MCC: variants seen among roughly 807,000 people sequenced by gnomAD.
MCC encodes the protein colorectal mutant cancer protein.
A neutral mutation model predicts 116.2 loss-of-function variants in MCC; 90 were observed. That is an observed-to-expected ratio of 0.77 (90% CI 0.65 to 0.92). The LOEUF is 0.92. Among genes scored for constraint, MCC ranks in the 40% least tolerant of loss-of-function variants. MCC has a pLI of 0.00. For synonymous variants in MCC, 578 were observed against 510.5 expected (o/e 1.13, Z -1.78); for missense variants, 1,516 against 1,312.2 (o/e 1.16, Z -2.40).
At chr5:113,143,196 A>G (rs766164867) in intron 5 of MCC, 22 bp downstream of exon 5, 3 of 1,577,858 alleles carry the variant, frequency 1.9e-6, no homozygotes, top group Non-Finnish European at 2.6e-6. Flanking sequence ...GGGCAGAGTA[A>G]AAGCCGAATG....
intron 1 of MCC, among the ~76,000 whole-genome samples, chr5:113,402,319 A>G (rs1769716018): frequency 1.4e-5 from 2 of 142,090 alleles, no homozygotes; most frequent in Non-Finnish European, 3.1e-5. Context: ...AAACACACTC[A>G]GCTAATTTTT....
chr5:113,123,821 T>C (rs1307980316), intron 5 of MCC, among the ~76,000 whole-genome samples: 1 of 152,210 alleles, frequency 6.6e-6, no homozygotes, highest in Non-Finnish European at 1.5e-5. Context: ...TCTGCTCAGC[T>C]TCAAGGGCAG....
intron 3 of MCC, among the ~76,000 whole-genome samples, chr5:113,200,817 C>A (rs182474938): frequency 6.6e-6 from 1 of 152,150 alleles, no homozygotes; most frequent in Admixed American, 6.6e-5. Context: ...AGCAGTGAGG[C>A]CTGAAGACAC....
intron 3 of MCC, among the ~76,000 whole-genome samples, chr5:113,274,001 C>T (rs969269326): frequency 4.6e-5 from 7 of 152,164 alleles, no homozygotes; most frequent in South Asian, 2.1e-4. Context: ...GAGAGGGCTT[C>T]GCCTCTGCAC....
intron 4 of MCC, among the ~76,000 whole-genome samples, chr5:113,147,500 T>G (rs1759591835): frequency 6.6e-6 from 1 of 152,210 alleles, no homozygotes; most frequent in African/African-American, 2.4e-5. Flanking sequence ...ACTAGGTTCT[T>G]GGAAAATGCA....
intron 3 of MCC, among the ~76,000 whole-genome samples, chr5:113,315,283 A>G (rs1443360362): frequency 1.3e-5 from 2 of 152,192 alleles, no homozygotes; most frequent in African/African-American, 2.4e-5. Flanking sequence ...CTCTTCTTCA[A>G]CAGCAGTTCC....
chr5:113,075,067 G>A (rs145478789), intron 11 of MCC, among the ~76,000 whole-genome samples: 225 of 152,274 alleles, frequency 1.5e-3, no homozygotes, highest in African/African-American at 4.2e-3. Context: ...GGAGAGGTGC[G>A]TGGCACTCGT....
intron 1 of MCC, among the ~76,000 whole-genome samples, chr5:113,470,004 C>A (rs1320699822): frequency 6.6e-6 from 1 of 152,064 alleles, no homozygotes; most frequent in Non-Finnish European, 1.5e-5. Context: ...GGATTGCAAC[C>A]TCTGCCTTTT....
At chr5:113,246,957 C>T (rs1181151334) in intron 3 of MCC, among the ~76,000 whole-genome samples, 2 of 152,160 alleles carry the variant, frequency 1.3e-5, no homozygotes, top group Non-Finnish European at 2.9e-5. Flanking sequence ...TAGGAGAGAT[C>T]CGGAGTCTTG....
At chr5:113,263,259 A>C in intron 3 of MCC, among the ~76,000 whole-genome samples, 1 of 152,152 alleles carries the variant, frequency 6.6e-6, no homozygotes, top group East Asian at 1.9e-4. Context: ...ATTGCAGCTA[A>C]ATCTATGCGA....
intron 3 of MCC, among the ~76,000 whole-genome samples, chr5:113,289,877 C>T (rs1212384318): frequency 1.3e-5 from 2 of 152,170 alleles, no homozygotes; most frequent in Non-Finnish European, 2.9e-5. Flanking sequence ...GCTCTTCTTA[C>T]GCTTATGCTA....
intron 12 of MCC, among the ~76,000 whole-genome samples, chr5:113,069,883 G>T (rs1335310986): frequency 6.6e-6 from 1 of 152,218 alleles, no homozygotes; most frequent in African/African-American, 2.4e-5. Flanking sequence ...ACCGCGCCCA[G>T]CGTCAATTGA....
At chr5:113,068,484 G>A (rs907498942) in intron 12 of MCC, among the ~76,000 whole-genome samples, 1 of 152,170 alleles carries the variant, frequency 6.6e-6, no homozygotes, top group Non-Finnish European at 1.5e-5. Flanking sequence ...TTCCCTTGTG[G>A]TAGGCCACTC....
At chr5:113,401,265 G>A (rs139982003) in intron 1 of MCC, among the ~76,000 whole-genome samples, 46 of 152,200 alleles carry the variant, frequency 3.0e-4, no homozygotes, top group Middle Eastern at 3.4e-3. Context: ...ATTACAACAT[G>A]TATTTAATAT....
chr5:113,367,378 T>A (rs1253906702), intron 2 of MCC, among the ~76,000 whole-genome samples: 1 of 151,984 alleles, frequency 6.6e-6, no homozygotes, highest in African/African-American at 2.4e-5. Context: ...CTCAATAATT[T>A]AAGATGTACA....
At chr5:113,206,597 T>C (rs1762921019) in intron 3 of MCC, among the ~76,000 whole-genome samples, 1 of 152,090 alleles carries the variant, frequency 6.6e-6, no homozygotes, top group African/African-American at 2.4e-5. Flanking sequence ...TAATCCCAGC[T>C]ACTTGGGATG....
chr5:113,311,853 A>G (rs1207554783), intron 3 of MCC, among the ~76,000 whole-genome samples: 1 of 152,146 alleles, frequency 6.6e-6, no homozygotes, highest in East Asian at 1.9e-4. Context: ...GATGCCTATA[A>G]TCCCAGCACT....
intron 8 of MCC, among the ~76,000 whole-genome samples, chr5:113,092,195 G>A (rs973524678): frequency 3.9e-5 from 6 of 151,998 alleles, no homozygotes; most frequent in African/African-American, 1.5e-4. Context: ...AACTGAGATG[G>A]GTAGAGTATC....
intron 15 of MCC, among the ~76,000 whole-genome samples, chr5:113,051,074 G>T (rs972867992): frequency 1.3e-5 from 2 of 152,168 alleles, no homozygotes; most frequent in Non-Finnish European, 2.9e-5. Context: ...GTGTAGGTGT[G>T]GTACAGGAAT....
Sources: allele counts gnomAD v4.1 joint callset (sites outside exome capture counted in the v4.1 genomes callset), GRCh38; gene constraint gnomAD v4.1.1; transcripts MANE v1.5; gene names NCBI Gene and HGNC (gene_info 2026-07-23, HGNC 2026-07-21).